Variants in SEH1L observed in about 807,000 individuals in gnomAD.
SEH1L encodes the protein nucleoporin SEH1.
Under a neutral mutation model 49.5 loss-of-function variants are expected in SEH1L, and 18 were observed. That is an observed-to-expected ratio of 0.36 (90% CI 0.25 to 0.54). The LOEUF is 0.54. Ranked by LOEUF, SEH1L falls within the 20% of genes least tolerant of loss-of-function variation. The probability of loss-of-function intolerance (pLI) is 0.87; values close to 1 mark genes in which losing one functional copy is unlikely to be tolerated. For synonymous variants in SEH1L, 169 were observed against 178.1 expected, an observed-to-expected ratio of 0.95 and a Z score of 0.41; for missense variants, 404 against 528.8, an observed-to-expected ratio of 0.76 and a Z score of 2.31.
intron 8 of SEH1L, chr18:12,985,515 T>C: frequency 8.2e-7 from 1 of 1,220,020 alleles, no homozygotes. Flanking sequence ...ACCAAAACAA[T>C]TTTTTGAAAT....
chr18:12,982,827 C>T (rs2032325402), intron 7 of SEH1L, 152 bp downstream of exon 7: 5 of 619,292 alleles, frequency 8.1e-6, no homozygotes, highest in Non-Finnish European at 1.3e-5. Flanking sequence ...ATCAGTTTAC[C>T]TAGTTCATAG....
chr18:12,976,457 T>G (rs1157173495), intron 5 of SEH1L: 1 of 152,282 alleles, frequency 6.6e-6, no homozygotes, highest in Non-Finnish European at 1.5e-5. Context: ...AGAATCTCTC[T>G]GCCACAGTAC....
At chr18:12,979,240 G>A (rs2032058984) in intron 6 of SEH1L, among the ~76,000 whole-genome samples, 2 of 148,666 alleles carry the variant, frequency 1.3e-5, no homozygotes, top group Admixed American at 1.3e-4. Flanking sequence ...TGTGTCCCTG[G>A]GTACTTGAGA....
chr18:12,959,513 A>T (rs1240407642), intron 3 of SEH1L, among the ~76,000 whole-genome samples: 1 of 152,218 alleles, frequency 6.6e-6, no homozygotes, highest in Non-Finnish European at 1.5e-5. Context: ...AAAACTTGAA[A>T]TTCGGTATGC....
intron 3 of SEH1L, among the ~76,000 whole-genome samples, chr18:12,958,570 G>A (rs2031018105): frequency 6.6e-6 from 1 of 151,804 alleles, no homozygotes; most frequent in African/African-American, 2.4e-5. Context: ...CTATAAATTT[G>A]ACTAGGTACT....
chr18:12,983,523 C>T (rs942770148), intron 7 of SEH1L, among the ~76,000 whole-genome samples: 4 of 152,190 alleles, frequency 2.6e-5, no homozygotes, highest in African/African-American at 7.2e-5. Flanking sequence ...TTCTTGGGCT[C>T]ATTGTCTTCA....
chr18:12,979,687 T>G (rs868303946), intron 6 of SEH1L, among the ~76,000 whole-genome samples: 1 of 97,482 alleles, frequency 1.0e-5, no homozygotes, highest in Admixed American at 9.4e-5. Flanking sequence ...GGTGGCTGGC[T>G]GGGCGGGGGG....
chr18:12,966,436 C>T (rs1051903849), intron 4 of SEH1L, among the ~76,000 whole-genome samples: 4 of 148,874 alleles, frequency 2.7e-5, no homozygotes, highest in East Asian at 4.0e-4. Flanking sequence ...TTTCGAGACA[C>T]GTGTCACTAT....
At chr18:12,979,604 G>T (rs1377977450) in intron 6 of SEH1L, among the ~76,000 whole-genome samples, 1 of 151,814 alleles carries the variant, frequency 6.6e-6, no homozygotes, top group East Asian at 2.0e-4. Context: ...AGACGGGGTG[G>T]TGGCTGGGCA....
intron 1 of SEH1L, among the ~76,000 whole-genome samples, chr18:12,950,017 AT>A (rs573168396): frequency 0.017 from 2,608 of 149,266 alleles, 36 homozygotes; most frequent in South Asian, 0.056. Context: ...ACTTAGTATA[AT>A]TTTTTTTTTC....
At chr18:12,980,293 G>A (rs1445183464) in intron 6 of SEH1L, among the ~76,000 whole-genome samples, 1 of 114,726 alleles carries the variant, frequency 8.7e-6, no homozygotes, top group African/African-American at 3.2e-5. Flanking sequence ...GGGCAGAGGG[G>A]CTCCTCACTT....
chr18:12,986,593 T>C (rs2032466706), intron 8 of SEH1L: 1 of 1,016,224 alleles, frequency 9.8e-7, no homozygotes, highest in Non-Finnish European at 1.2e-6. Flanking sequence ...CATTTATATA[T>C]ATTTTTTAAC....
At chr18:12,986,830 T>G in intron 8 of SEH1L, 32 bp from the exon 9 acceptor site, 1 of 1,377,694 alleles carries the variant, frequency 7.3e-7, no homozygotes, top group Non-Finnish European at 9.5e-7. Flanking sequence ...TTTGTTTTGT[T>G]TGGTGTTTTG....
At chr18:12,969,909 G>A (rs756729957) in intron 4 of SEH1L, among the ~76,000 whole-genome samples, 18 of 151,998 alleles carry the variant, frequency 1.2e-4, no homozygotes, top group Non-Finnish European at 2.5e-4. Context: ...GGAAAAAAAC[G>A]CAAAAGGAAG....
At chr18:12,952,788 T>TC (rs1158910161) in intron 2 of SEH1L, among the ~76,000 whole-genome samples, 1 of 148,748 alleles carries the variant, frequency 6.7e-6, no homozygotes, top group East Asian at 2.0e-4. Flanking sequence ...TCTTTTCTTT[T>TC]TTTTTTTTTT....
At chr18:12,964,065 C>A (rs376406726) in intron 4 of SEH1L, among the ~76,000 whole-genome samples, 1 of 152,200 alleles carries the variant, frequency 6.6e-6, no homozygotes, top group Admixed American at 6.5e-5. Context: ...CTTAAAGATA[C>A]ATTGTGGGCA....
At chr18:12,966,566 AT>A (rs2031463775) in intron 4 of SEH1L, among the ~76,000 whole-genome samples, 1 of 151,832 alleles carries the variant, frequency 6.6e-6, no homozygotes. Flanking sequence ...TGCCTTGCTA[AT>A]TTTTTGTTAT....
At chr18:12,961,651 T>C (rs2031182214) in intron 3 of SEH1L, among the ~76,000 whole-genome samples, 1 of 152,138 alleles carries the variant, frequency 6.6e-6, no homozygotes, top group Non-Finnish European at 1.5e-5. Context: ...AGTAATCTGT[T>C]GATTGCTAAA....
In SEH1L at chr18:12,986,396, G is replaced by C. The variant is rs936481340; in HGVS notation, c.1071-466G>C. On this transcript the variant is annotated intron_variant, in intron 8 of 8. Coordinates refer to ENST00000399892, the MANE Select transcript of SEH1L (RefSeq NM_001013437.2). ...CTTCAAAAGCATGTTGCAGTAGCCAGCCATACTATGTGTATTCCCAGTATC... is the reference window on the plus strand; with the variant it reads ...CTTCAAAAGCATGTTGCAGTAGCCACCCATACTATGTGTATTCCCAGTATC... The C allele has an allele frequency of 3.0e-5, 30 of 985,432 alleles. No homozygotes were observed. In the Admixed American group the frequency reaches 9.8e-4, roughly 32 times the overall value. 61.0% of individuals were successfully genotyped at this position (985,432 alleles called of 1,614,324 possible).
Sources: allele counts gnomAD v4.1 joint callset (sites outside exome capture counted in the v4.1 genomes callset), GRCh38; gene constraint gnomAD v4.1.1; transcripts MANE v1.5; gene names NCBI Gene and HGNC (gene_info 2026-07-23, HGNC 2026-07-21).